PSTK: variants seen among roughly 807,000 people sequenced by gnomAD.
PSTK encodes the protein phosphoseryl-tRNA kinase, also known as L-seryl-tRNA(Sec) kinase.
PSTK carries 26 observed loss-of-function variants against 38.6 expected under a neutral mutation model. The ratio of observed to expected loss-of-function variants is 0.67; its 90% CI spans 0.49 to 0.94. The LOEUF is 0.94. Among genes scored for constraint, PSTK ranks in the 40% least tolerant of loss-of-function variants. PSTK has a pLI of 0.00. For missense variants in PSTK, 445 were observed against 436.3 expected (o/e 1.02, Z -0.18); for synonymous variants, 181 against 161.7 (o/e 1.12, Z -0.91).
chr10:122,980,600 C>A lies in PSTK; in HGVS notation c.121C>A (p.Arg41=). The change falls in exon 1 of 6, where the codon CGG becomes AGG. Residue 41 remains arginine (R), a synonymous_variant. Transcript: ENST00000406217. The surrounding 1 kb of genome is among the most constrained non-coding windows in gnomAD (Gnocchi z 4.3). ...KSTFARALAH[R]LQQEQGWAIG... is the part of the protein sequence containing the mutation. ...GACTTTCGCGCGCGCCCTCGCCCAC[C>A]GGCTGCAGCAGGAGCAGGGTTGGGC... is the stretch of plus-strand genomic sequence containing the variant. 2.5e-6 allele frequency: 4 copies of A among 1,612,100 alleles called. No homozygotes were observed. Among genetic ancestry groups the A allele is most frequent in the Non-Finnish European group, 3.4e-6 (4 of 1,179,588 alleles).
intron 5 of PSTK, among the ~76,000 whole-genome samples, chr10:122,988,060 G>A (rs777726116): frequency 2.6e-5 from 4 of 152,014 alleles, no homozygotes; most frequent in Non-Finnish European, 5.9e-5. Context: ...CCCAGTACAC[G>A]AACTCATGTG....
intron 5 of PSTK, among the ~76,000 whole-genome samples, chr10:122,988,891 T>A (rs1849071550): frequency 6.6e-6 from 1 of 152,142 alleles, no homozygotes. Flanking sequence ...AACTTGTACA[T>A]GTATGTTAAT....
intron 5 of PSTK, 119 bp downstream of exon 5, chr10:122,987,081 TTTAA>T (rs1488713587): frequency 1.1e-6 from 1 of 881,814 alleles, no homozygotes; most frequent in Non-Finnish European, 1.8e-6. Flanking sequence ...ATGTTTTCAA[TTTAA>T]TTATGCAATT....
intron 5 of PSTK, among the ~76,000 whole-genome samples, chr10:122,987,731 G>C (rs572788603): frequency 6.6e-6 from 1 of 152,130 alleles, no homozygotes; most frequent in African/African-American, 2.4e-5. Flanking sequence ...TACGTTAAGC[G>C]CTTTACAAAT....
At position 122,987,593 on chromosome 10, in the gene PSTK, A is replaced by G. The variant is rs187557870; in HGVS notation, c.877+631A>G. ...CAATGTATTATAAATCTGAATTTAT[A>G]TAATAGATGAAATATGTGGTAACTA... On this transcript the variant is annotated intron_variant, in intron 5 of 5. Coordinates refer to ENST00000406217, the MANE Select transcript of PSTK (RefSeq NM_001363531.2). 219 of 1,496,024 alleles carry G rather than the reference A, an allele frequency of 1.5e-4. 1 individual carries two copies. The East Asian group carries it at 4.9e-3, about 33-fold the overall frequency. 92.7% of individuals were successfully genotyped at this position (1,496,024 alleles called of 1,614,324 possible).
At chr10:122,983,073 T>G (rs749926603) in intron 2 of PSTK, 49 bp downstream of exon 2, 4 of 1,458,738 alleles carry the variant, frequency 2.7e-6, no homozygotes, top group East Asian at 2.3e-5. Context: ...TATTCACGTA[T>G]CAAAAACACT....
At position 122,986,901 on chromosome 10, in the gene PSTK, T is replaced by C. The variant is rs773830287; in HGVS notation, c.816T>C (p.Ile272=). 6.2e-7 allele frequency: 1 copy of C among 1,611,954 alleles called. No individual in the cohort carries two copies. The highest frequency in any genetic ancestry group is 8.5e-7 in the Non-Finnish European group (1 of 1,178,158). Residue 272 remains isoleucine (I), a synonymous_variant, in exon 5 of 6, where the codon ATT becomes ATC. Coordinates refer to ENST00000406217, the MANE Select transcript of PSTK (RefSeq NM_001363531.2). ...DTDRIICSTN[I]LHKTDQTLRR... is the part of the protein sequence containing the mutation. Reference sequence around the variant, plus strand: ...ACAGAATTATTTGTTCAACTAACATTCTTCATAAAACTGATCAGACACTCC... The same window carrying C: ...ACAGAATTATTTGTTCAACTAACATCCTTCATAAAACTGATCAGACACTCC...
In PSTK at chr10:122,980,544, T is replaced by C. The variant is rs1406863475; in HGVS notation, c.65T>C (p.Val22Ala). Residue 22 changes from valine to alanine, a missense_variant, in exon 1 of 6, where the codon GTC (valine) becomes GCC (alanine). By Grantham distance (64) the Val-to-Ala change is moderately conservative (BLOSUM62 0). Coordinates refer to ENST00000406217, the MANE Select transcript of PSTK (RefSeq NM_001363531.2). This position sits in a 1 kb window ranked among gnomAD's most constrained non-coding sequence, Gnocchi z 4.3. ...GGGCCGCGGAAACGAGGCCTCTGCG[T>C]CCTCTGTGGCCTCCCCGCGGCAGGA... ...SDGPRKRGLCVLCGLPAAGKS... is the reference protein window; with the variant it reads ...SDGPRKRGLCALCGLPAAGKS... 1.2e-6 allele frequency: 2 copies of C among 1,611,126 alleles called. No individual in the cohort carries two copies. The highest frequency in any genetic ancestry group is 1.7e-6 in the Non-Finnish European group (2 of 1,179,512).
At chr10:122,987,507 A>C in intron 5 of PSTK, 1 of 1,613,378 alleles carries the variant, frequency 6.2e-7, no homozygotes, top group East Asian at 2.2e-5. Context: ...GGGGTGAGGT[A>C]AGAAGGGGGG....
Position 122,980,523 on chromosome 10 carries a change from C to T in PSTK, c.44C>T (p.Pro15Leu), listed in dbSNP as rs983685436. 4 of 1,609,362 alleles carry T rather than the reference C, an allele frequency of 2.5e-6. No homozygotes were observed. Among genetic ancestry groups the T allele is most frequent in the Non-Finnish European group, 3.4e-6 (4 of 1,179,294 alleles). The change falls in exon 1 of 6, where the codon CCG becomes CTG. Residue 15 changes from proline to leucine, a missense_variant. Pro to Leu is a moderately conservative substitution (Grantham distance 98). Coordinates refer to ENST00000406217, the MANE Select transcript of PSTK (RefSeq NM_001363531.2). The surrounding 1 kb of genome is among the most constrained non-coding windows in gnomAD (Gnocchi z 4.3). ...ENIRGTGSDG[P>L]RKRGLCVLCG... is the part of the protein sequence containing the mutation. ...ATCAGAGGAACCGGCAGCGACGGGC[C>T]GCGGAAACGAGGCCTCTGCGTCCTC... is the stretch of plus-strand genomic sequence containing the variant.
intron 5 of PSTK, among the ~76,000 whole-genome samples, chr10:122,988,950 G>C (rs934436174): frequency 6.6e-6 from 1 of 152,108 alleles, no homozygotes; most frequent in Middle Eastern, 3.4e-3. Context: ...CCACATGTCC[G>C]TCAGCTGACC....
rs777228611 is a variant in PSTK at position 122,982,750 on chromosome 10, G to C, written c.234G>C (p.Leu78Phe). Reference protein sequence around the residue: ...RARPAPSQWKLLRQELLKYLE... With the variant: ...RARPAPSQWKFLRQELLKYLE... ...TCTTGTAGCCATCCCAATGGAAATT[G>C]CTTCGACAGGAACTGTTGAAGTACC... is the stretch of plus-strand genomic sequence containing the variant. Residue 78 changes from leucine to phenylalanine, a missense_variant, in exon 2 of 6, where the codon TTG (leucine) becomes TTC (phenylalanine). Leu to Phe is a conservative substitution (Grantham distance 22). Coordinates refer to ENST00000406217, the MANE Select transcript of PSTK (RefSeq NM_001363531.2). The C allele has an allele frequency of 6.2e-7, 1 of 1,613,992 alleles. No homozygotes were observed. Among genetic ancestry groups the C allele is most frequent in the African/African-American group, 1.3e-5 (1 of 74,928 alleles).
intron 5 of PSTK, 27 bp downstream of exon 5, chr10:122,986,989 T>G (rs752786945): frequency 6.3e-6 from 9 of 1,420,108 alleles, no homozygotes; most frequent in Admixed American, 5.0e-5. Context: ...ATGTGTTGAG[T>G]TGGTATGATT....
Position 122,981,398 on chromosome 10 carries a change from T to C in PSTK, c.216+703T>C, listed in dbSNP as rs376447202. ...AATACATCTCTTTAAGCCCTCCTCA[T>C]CTCACACTCAGCACAGTGAGATACA... On this transcript the variant is annotated intron_variant, in intron 1 of 5. Transcript: ENST00000406217. 5.5e-4 allele frequency among the ~76,000 whole-genome samples: 84 copies of C among 152,296 alleles called. No individual in the cohort carries two copies. In the South Asian group the frequency reaches 0.017, roughly 30 times the overall value.
chr10:122,980,956 A>G lies in PSTK; in HGVS notation c.216+261A>G, dbSNP rs1848952705. ...GCTTATCTGTATATTTGATGCATGTATATGTTGTATATTCTATACAGTTGA... is the reference window on the plus strand; with the variant it reads ...GCTTATCTGTATATTTGATGCATGTGTATGTTGTATATTCTATACAGTTGA... On this transcript the variant is annotated intron_variant, in intron 1 of 5. Transcript: ENST00000406217. This position sits in a 1 kb window ranked among gnomAD's most constrained non-coding sequence, Gnocchi z 4.3. 9.2e-6 allele frequency: 3 copies of G among 327,768 alleles called. No individual in the cohort carries two copies. The highest frequency in any genetic ancestry group is 1.3e-5 in the Non-Finnish European group (3 of 229,036). The allele number at this position is 327,768 out of a possible 1,614,324, so 20.3% of individuals were successfully genotyped here. A position where few individuals can be genotyped will look rare whatever the true frequency, so the allele number is the denominator to read the frequency against.
Position 122,990,300 on chromosome 10 carries a change from T to G in PSTK, c.1004T>G (p.Ile335Arg). ...CTGTGCTTTCAGCAAACCATTGACA[T>G]ACCAGATGTCATTTCTTTTTTTCAT... ...KYLCFQQTID[I>R]PDVISFFHYE... is the part of the protein sequence containing the mutation. Residue 335 changes from isoleucine to arginine, a missense_variant, in exon 6 of 6, where the codon ATA becomes AGA. Transcript: ENST00000406217. 1 of 1,528,746 alleles carries G rather than the reference T, an allele frequency of 6.5e-7. No homozygotes were observed. The highest frequency in any genetic ancestry group is 8.8e-7 in the Non-Finnish European group (1 of 1,138,962). The allele number at this position is 1,528,746 out of a possible 1,614,324, so 94.7% of individuals were successfully genotyped here.
rs1305265146 is a variant in PSTK at position 122,983,788 on chromosome 10, A to G, written c.707+318A>G. 6 of 281,746 alleles carry G rather than the reference A, an allele frequency of 2.1e-5. No homozygotes were observed. In the East Asian group the frequency reaches 4.8e-4, roughly 22 times the overall value. 17.5% of individuals were successfully genotyped at this position (281,746 alleles called of 1,614,324 possible). A position where few individuals can be genotyped will look rare whatever the true frequency, so the allele number is the denominator to read the frequency against. ...AAATAGGTTGCCTGGTAGTTTTCTT[A>G]TAGAAAGAGATCTGTGAAAGAGTGC... On this transcript the variant is annotated intron_variant, in intron 3 of 5. Coordinates refer to ENST00000406217, the MANE Select transcript of PSTK (RefSeq NM_001363531.2).
chr10:122,988,949 C>T (rs545750186), intron 5 of PSTK, among the ~76,000 whole-genome samples: 5 of 152,066 alleles, frequency 3.3e-5, no homozygotes, highest in South Asian at 2.1e-4. Flanking sequence ...CCCACATGTC[C>T]GTCAGCTGAC....
intron 4 of PSTK, 137 bp downstream of exon 4, chr10:122,986,512 T>TG: frequency 1.5e-6 from 1 of 686,084 alleles, no homozygotes; most frequent in Non-Finnish European, 2.6e-6. Context: ...CACTCACTGC[T>TG]GACAGCTCAT....
Sources: allele counts gnomAD v4.1 joint callset (sites outside exome capture counted in the v4.1 genomes callset), GRCh38; gene constraint gnomAD v4.1.1; non-coding constraint Gnocchi (gnomAD v3.1); transcripts MANE v1.5; gene names NCBI Gene and HGNC (gene_info 2026-07-23, HGNC 2026-07-21).